The following KCNIP3 variants were observed in gnomAD, a reference collection of about 807,000 sequenced individuals.
KCNIP3 encodes the protein potassium voltage-gated channel interacting protein 3.
KCNIP3 carries 28 observed loss-of-function variants against 35.0 expected under a neutral mutation model. That is an observed-to-expected ratio of 0.80 (90% confidence interval 0.59 to 1.10). The LOEUF (loss-of-function observed/expected upper bound fraction) is 1.10. Among genes scored for constraint, KCNIP3 ranks in the 50% least tolerant of loss-of-function variants. The probability of loss-of-function intolerance (pLI) is 0.00; values close to 1 mark genes in which losing one functional copy is unlikely to be tolerated. For synonymous variants in KCNIP3, 134 were observed against 133.8 expected (o/e 1.00, Z -0.01); for missense variants, 295 against 338.4 (o/e 0.87, Z 1.01).
At chr2:95,324,523 G>GATAAATAAATACATAA (rs1678680871) in intron 2 of KCNIP3, among the ~76,000 whole-genome samples, 1 of 145,716 alleles carries the variant, frequency 6.9e-6, no homozygotes, top group Admixed American at 6.8e-5. Context: ...AAAATAAATA[G>GATAAATAAATACATAA]ATAAATAAAT....
chr2:95,339,422 A>T (rs1324796878), intron 2 of KCNIP3, among the ~76,000 whole-genome samples: 1 of 152,016 alleles, frequency 6.6e-6, no homozygotes, highest in South Asian at 2.1e-4. Flanking sequence ...TCTACCAAAA[A>T]AACACACAAA....
At chr2:95,345,108 A>G (rs938367255) in intron 2 of KCNIP3, among the ~76,000 whole-genome samples, 1 of 152,238 alleles carries the variant, frequency 6.6e-6, no homozygotes, top group African/African-American at 2.4e-5. Context: ...ATGCATTTAC[A>G]GTTCTTTAAA....
intron 2 of KCNIP3, among the ~76,000 whole-genome samples, chr2:95,341,164 A>C (rs1679184828): frequency 6.6e-6 from 1 of 152,164 alleles, no homozygotes; most frequent in Non-Finnish European, 1.5e-5. Flanking sequence ...TTGATGATTT[A>C]GCAGCATCCA....
intron 2 of KCNIP3, among the ~76,000 whole-genome samples, chr2:95,351,235 C>A (rs1204331421): frequency 6.6e-6 from 1 of 152,260 alleles, no homozygotes; most frequent in Non-Finnish European, 1.5e-5. Flanking sequence ...TAGGAGAAAC[C>A]TGGAGCCATC....
At position 95,382,561 on chromosome 2, in the gene KCNIP3, G is replaced by A; in HGVS notation, c.660+80G>A. 1 of 1,027,770 alleles carries A rather than the reference G, an allele frequency of 9.7e-7. No homozygotes were observed. The highest frequency in any genetic ancestry group is 1.4e-6 in the Non-Finnish European group (1 of 701,526). 63.7% of individuals were successfully genotyped at this position (1,027,770 alleles called of 1,614,324 possible). On this transcript the variant is annotated intron_variant, in intron 7 of 8. Coordinates refer to ENST00000295225, the MANE Select transcript of KCNIP3 (RefSeq NM_013434.5). The surrounding 1 kb of genome is among the most constrained non-coding windows in gnomAD (Gnocchi z 4.5). The stretch of plus-strand genomic sequence containing the variant: ...TCGCTTTTGGGGCCACCCCGGGCAA[G>A]TGGCTTGCCCCTCTGAGCCTCCCTA...
chr2:95,364,922 T>C (rs745577469), intron 2 of KCNIP3, among the ~76,000 whole-genome samples: 1 of 152,020 alleles, frequency 6.6e-6, no homozygotes, highest in African/African-American at 2.4e-5. Flanking sequence ...CTGTCTCTAT[T>C]ATAAATAAAA....
chr2:95,383,115 A>AACCCCCCCC, intron 7 of KCNIP3, 117 bp from the exon 8 acceptor site: 1 of 390,116 alleles, frequency 2.6e-6, no homozygotes, highest in Non-Finnish European at 4.9e-6. Flanking sequence ...GAGGGAGCCC[A>AACCCCCCCC]CCCGCCCATC....
rs566396757 is a variant in KCNIP3, at chr2:95,329,585, C to T, written c.181+19065C>T. On this transcript the variant is annotated intron_variant, in intron 2 of 8. Transcript: ENST00000295225. The stretch of plus-strand genomic sequence containing the variant: ...AGACCCCGTGCCCTGAGGGCACCTG[C>T]ACCGCTGGGGCTCCATCACCGCTGG... Among the ~76,000 whole-genome samples the T allele has an allele frequency of 2.8e-4, 42 of 152,364 alleles. No homozygotes were observed. In the East Asian group the frequency reaches 4.8e-3, roughly 18 times the overall value.
At position 95,297,394 on chromosome 2, in the gene KCNIP3, G is replaced by A. The variant is rs1677889518; in HGVS notation, c.-45G>A. The A allele has an allele frequency of 1.3e-6, 2 of 1,559,026 alleles. No individual in the cohort carries two copies. Among genetic ancestry groups the A allele is most frequent in the African/African-American group, 2.7e-5 (2 of 73,156 alleles). Reference sequence around the variant, plus strand: ...GGCCTGGGCAGTCTTGTCTGCCTCGGCTGTGAAGTGGGGAGGCTGGCAACA... The same window carrying A: ...GGCCTGGGCAGTCTTGTCTGCCTCGACTGTGAAGTGGGGAGGCTGGCAACA... On this transcript the variant is annotated 5_prime_UTR_variant, in exon 1 of 9. Transcript: ENST00000295225.
intron 2 of KCNIP3, among the ~76,000 whole-genome samples, chr2:95,338,870 A>G (rs1326735607): frequency 6.6e-6 from 1 of 152,226 alleles, no homozygotes; most frequent in Non-Finnish European, 1.5e-5. Flanking sequence ...AAATGGCAAC[A>G]GGTATTCTTG....
intron 2 of KCNIP3, among the ~76,000 whole-genome samples, chr2:95,346,504 C>G (rs1169077760): frequency 6.7e-6 from 1 of 149,374 alleles, no homozygotes; most frequent in Admixed American, 6.7e-5. Flanking sequence ...GCCGCAGGGA[C>G]GCCTCCCGGA....
At chr2:95,346,927 G>T (rs1338942115) in intron 2 of KCNIP3, 21 of 698,564 alleles carry the variant, frequency 3.0e-5, no homozygotes, top group Non-Finnish European at 4.2e-5. Flanking sequence ...CCCCCGAGAG[G>T]CCGTGCGGGC....
intron 2 of KCNIP3, among the ~76,000 whole-genome samples, chr2:95,346,259 C>A (rs1169574935): frequency 6.6e-6 from 1 of 151,548 alleles, no homozygotes; most frequent in African/African-American, 2.4e-5. Context: ...CGGCGCGGGG[C>A]GGGCCGGGAT....
At chr2:95,363,785 TAGTTTTATTGCTATTGTG>T (rs1404391188) in intron 2 of KCNIP3, among the ~76,000 whole-genome samples, 1 of 152,230 alleles carries the variant, frequency 6.6e-6, no homozygotes, top group Non-Finnish European at 1.5e-5. Context: ...AGATACTCTT[TAGTTTTATTGCTATTGTG>T]AGTGTTTATC....
intron 2 of KCNIP3, among the ~76,000 whole-genome samples, chr2:95,352,833 G>T (rs980037014): frequency 6.6e-6 from 1 of 152,176 alleles, no homozygotes; most frequent in Admixed American, 6.5e-5. Context: ...CACAACTGGT[G>T]ACCAGACATG....
intron 2 of KCNIP3, chr2:95,369,010 A>AT (rs1204805581): frequency 6.6e-6 from 1 of 152,148 alleles, no homozygotes; most frequent in Non-Finnish European, 1.5e-5. Flanking sequence ...TTCATTACTG[A>AT]TCTGTAGAAA....
Position 95,325,794 on chromosome 2 carries a change from CAT to C in KCNIP3, c.181+15276_181+15277del, listed in dbSNP as rs879418471. 2.1e-3 allele frequency among the ~76,000 whole-genome samples: 311 copies of C among 151,166 alleles called. 1 individual carries two copies. The highest frequency in any genetic ancestry group is 7.2e-3 in the African/African-American group (297 of 41,064). ...TCATATACACACACTCATACACACTCATACACACATACACTCATACACACATA... is the reference window on the plus strand; with the variant it reads ...TCATATACACACACTCATACACACTCACACACATACACTCATACACACATA... On this transcript the variant is annotated intron_variant, in intron 2 of 8. Transcript: ENST00000295225.
At chr2:95,315,888 C>T (rs1340303703) in intron 2 of KCNIP3, among the ~76,000 whole-genome samples, 1 of 152,248 alleles carries the variant, frequency 6.6e-6, no homozygotes, top group Admixed American at 6.5e-5. Context: ...GCCCCATCCA[C>T]AGCACCTGGG....
At chr2:95,335,774 T>A (rs1278979414) in intron 2 of KCNIP3, among the ~76,000 whole-genome samples, 1 of 152,218 alleles carries the variant, frequency 6.6e-6, no homozygotes, top group African/African-American at 2.4e-5. Flanking sequence ...TCTAATTCCA[T>A]GCTTTTCTCT....
Sources: gnomAD v4.1 joint callset for allele counts (sites outside exome capture counted in the v4.1 genomes callset) on GRCh38, gnomAD v4.1.1 for gene constraint, Gnocchi (gnomAD v3.1) non-coding constraint, MANE v1.5 for transcripts, NCBI Gene and HGNC (gene_info 2026-07-23, HGNC 2026-07-21) for gene names.